Variants in VEZT observed in about 807,000 individuals in gnomAD.
VEZT encodes vezatin.
Under a neutral mutation model 79.9 loss-of-function variants are expected in VEZT, and 39 were observed. The ratio of observed to expected loss-of-function variants is 0.49; its 90% CI spans 0.38 to 0.64. The LOEUF is 0.64. VEZT is among the 30% of genes least tolerant of loss of function. The pLI, the probability that VEZT is intolerant of heterozygous loss-of-function variation, is 0.00. For missense variants in VEZT, 837 were observed against 893.1 expected (o/e 0.94, Z 0.80); for synonymous variants, 325 against 327.6 (o/e 0.99, Z 0.09).
intron 1 of VEZT, among the ~76,000 whole-genome samples, chr12:95,236,268 C>T (rs9739397): frequency 1.3e-5 from 2 of 151,716 alleles, no homozygotes; most frequent in South Asian, 2.1e-4. Flanking sequence ...CCAAAAAATA[C>T]GAAAACCAGT....
intron 3 of VEZT, among the ~76,000 whole-genome samples, chr12:95,261,457 G>T (rs34695888): frequency 0.015 from 2,321 of 152,108 alleles, 33 homozygotes; most frequent in Non-Finnish European, 0.024. Context: ...TGTTGTCCAG[G>T]TTGTAGTGCA....
intron 9 of VEZT, among the ~76,000 whole-genome samples, chr12:95,289,718 C>G (rs1188749740): frequency 6.6e-6 from 1 of 152,114 alleles, no homozygotes; most frequent in East Asian, 1.9e-4. Context: ...AAAAAATGTT[C>G]ATTTGAATAT....
At chr12:95,263,201 T>C (rs984750283) in intron 4 of VEZT, 120 bp downstream of exon 4, 39 of 954,554 alleles carry the variant, frequency 4.1e-5, no homozygotes, top group Non-Finnish European at 5.3e-5. Flanking sequence ...GCAGTACAAT[T>C]AAAGTAACAA....
chr12:95,232,981 T>A (rs1312686325), intron 1 of VEZT, among the ~76,000 whole-genome samples: 2 of 152,138 alleles, frequency 1.3e-5, no homozygotes, highest in African/African-American at 4.8e-5. Context: ...AATTTTTGTA[T>A]TTTTTGTGGA....
intron 6 of VEZT, among the ~76,000 whole-genome samples, chr12:95,271,841 A>C (rs777436618): frequency 3.7e-4 from 57 of 152,308 alleles, no homozygotes; most frequent in Middle Eastern, 6.8e-3. Flanking sequence ...AAGATAGACA[A>C]GATCCTTATT....
intron 1 of VEZT, among the ~76,000 whole-genome samples, chr12:95,227,744 G>A (rs1333631172): frequency 6.6e-6 from 1 of 152,134 alleles, no homozygotes; most frequent in African/African-American, 2.4e-5. Flanking sequence ...AGACATGAAC[G>A]ACTGCACCGG....
At chr12:95,226,783 C>A (rs1002062671) in intron 1 of VEZT, among the ~76,000 whole-genome samples, 7 of 152,166 alleles carry the variant, frequency 4.6e-5, no homozygotes, top group African/African-American at 1.7e-4. Context: ...GCCCAATTCC[C>A]ATTTCTTGCC....
At chr12:95,251,888 C>G in intron 1 of VEZT, 52 bp from the exon 2 acceptor site, 1 of 1,574,070 alleles carries the variant, frequency 6.4e-7, no homozygotes, top group Non-Finnish European at 8.6e-7. Flanking sequence ...GCCCCCGAAA[C>G]TTTTGAAGTA....
intron 1 of VEZT, among the ~76,000 whole-genome samples, chr12:95,249,662 C>T (rs2062211723): frequency 6.6e-6 from 1 of 152,158 alleles, no homozygotes. Flanking sequence ...CTTCTGAATG[C>T]AAGAATATAT....
intron 1 of VEZT, among the ~76,000 whole-genome samples, chr12:95,228,198 T>G (rs2058759534): frequency 6.6e-6 from 1 of 152,238 alleles, no homozygotes. Flanking sequence ...ATTTAATCAG[T>G]TAAATGAAAG....
At chr12:95,280,679 C>T (rs1169974934) in intron 7 of VEZT, among the ~76,000 whole-genome samples, 1 of 152,112 alleles carries the variant, frequency 6.6e-6, no homozygotes, top group African/African-American at 2.4e-5. Flanking sequence ...ATCTGTGCCC[C>T]TCTACTTGAA....
intron 6 of VEZT, among the ~76,000 whole-genome samples, chr12:95,270,760 G>C (rs1052925909): frequency 6.6e-6 from 1 of 152,146 alleles, no homozygotes; most frequent in East Asian, 1.9e-4. Flanking sequence ...AAAGTGATCA[G>C]ACATCATCTA....
chr12:95,260,441 C>A (rs928206821), intron 3 of VEZT, among the ~76,000 whole-genome samples: 22 of 152,284 alleles, frequency 1.4e-4, no homozygotes, highest in African/African-American at 4.8e-4. Context: ...ATTCCTAATG[C>A]TATTAATACT....
chr12:95,255,720 C>T (rs570497321), intron 2 of VEZT, among the ~76,000 whole-genome samples: 12 of 152,222 alleles, frequency 7.9e-5, no homozygotes, highest in African/African-American at 2.4e-4. Context: ...CGGGAGCCAC[C>T]GCCCCCGGCC....
chr12:95,218,668 T>A (rs990662669), intron 1 of VEZT: 13 of 152,384 alleles, frequency 8.5e-5, no homozygotes, highest in African/African-American at 2.6e-4. Flanking sequence ...AACTAGATTT[T>A]AAGAAAATTT....
intron 5 of VEZT, among the ~76,000 whole-genome samples, chr12:95,268,710 A>G (rs574919914): frequency 1.3e-5 from 2 of 152,344 alleles, no homozygotes; most frequent in East Asian, 3.9e-4. Context: ...ACTTCTACCC[A>G]TTCAGATGAC....
In VEZT at chr12:95,300,379, C is replaced by A. The variant is rs373634684; in HGVS notation, c.2046C>A (p.Phe682Leu). ...KNKDNSSNEV[F>L]PQGAEERMCY... ...AAGATAATTCTTCAAATGAAGTCTTCCCCCAAGGAGCAGAAGAAAGAATGT... is the reference window on the plus strand; with the variant it reads ...AAGATAATTCTTCAAATGAAGTCTTACCCCAAGGAGCAGAAGAAAGAATGT... The change falls in exon 12 of 12, where the codon TTC becomes TTA. Residue 682 changes from phenylalanine (F) to leucine (L), a missense_variant. Transcript: ENST00000436874. The A allele has an allele frequency of 1.6e-5, 26 of 1,613,696 alleles. No homozygotes were observed. Among genetic ancestry groups the A allele is most frequent in the Non-Finnish European group, 2.0e-5 (24 of 1,179,836 alleles).
intron 7 of VEZT, among the ~76,000 whole-genome samples, chr12:95,281,363 C>A (rs1175931074): frequency 1.3e-5 from 2 of 152,028 alleles, no homozygotes; most frequent in Non-Finnish European, 2.9e-5. Context: ...CTGTGTTTCC[C>A]GCTACTCAGG....
At chr12:95,264,729 A>C (rs1267359256) in intron 4 of VEZT, among the ~76,000 whole-genome samples, 2 of 151,762 alleles carry the variant, frequency 1.3e-5, no homozygotes, top group Non-Finnish European at 2.9e-5. Context: ...GAGCCCCTGC[A>C]CCTGGCCAGG....
Sources: gnomAD v4.1 joint callset for allele counts (sites outside exome capture counted in the v4.1 genomes callset) on GRCh38, gnomAD v4.1.1 for gene constraint, MANE v1.5 for transcripts, NCBI Gene and HGNC (gene_info 2026-07-23, HGNC 2026-07-21) for gene names.